The following ATP6V0A4 variants were observed in gnomAD, a reference collection of about 807,000 sequenced individuals.
ATP6V0A4 encodes the protein ATPase H+ transporting V0 subunit a4, also known as V-type proton ATPase 116 kDa subunit a 4.
In ATP6V0A4, 86 loss-of-function variants were observed where a neutral mutation model predicts 107.3. That is an observed-to-expected ratio of 0.80 (90% CI 0.67 to 0.96). The LOEUF (loss-of-function observed/expected upper bound fraction) is 0.96. Ranked by LOEUF, ATP6V0A4 falls within the 40% of genes least tolerant of loss-of-function variation. ATP6V0A4 has a pLI of 0.00. For missense variants in ATP6V0A4, 908 were observed against 1,045.6 expected, an observed-to-expected ratio of 0.87 and a Z score of 1.81; for synonymous variants, 353 against 381.4, an observed-to-expected ratio of 0.93 and a Z score of 0.87.
At chr7:138,784,257 T>TATATATATACATATATATATATAC (rs1808065932) in intron 2 of ATP6V0A4, among the ~76,000 whole-genome samples, 1 of 32,838 alleles carries the variant, frequency 3.0e-5, no homozygotes, top group Non-Finnish European at 6.4e-5. Flanking sequence ...TATATACATA[T>TATATATATACATATATATATATAC]ATATATATAC....
At chr7:138,711,212 G>A (rs1031616446) in intron 20 of ATP6V0A4, among the ~76,000 whole-genome samples, 5 of 152,106 alleles carry the variant, frequency 3.3e-5, no homozygotes, top group African/African-American at 1.2e-4. Context: ...GTTTTAAAAG[G>A]CCCTGAGGGG....
intron 19 of ATP6V0A4, among the ~76,000 whole-genome samples, chr7:138,718,072 G>GGAGGGGTACAGTCACGGATGTCTGCA (rs1370357174): frequency 1.0e-4 from 13 of 127,906 alleles, no homozygotes; most frequent in African/African-American, 3.8e-4. Context: ...GGGTGTCTGT[G>GGAGGGGTACAGTCACGGATGTCTGCA]GAGGGAGACG....
At position 138,744,623 on chromosome 7, in the gene ATP6V0A4, C is replaced by G. The variant is rs535836675; in HGVS notation, c.1478+500G>C. 6.6e-5 allele frequency among the ~76,000 whole-genome samples: 10 copies of G among 152,348 alleles called. No individual in the cohort carries two copies. The South Asian group carries it at 1.9e-3, about 28-fold the overall frequency. On this transcript the variant is annotated intron_variant, in intron 14 of 21. Transcript: ENST00000310018. ...ATTGTAGCTCATGCAGCTTTGACCT[C>G]CTTGGCCCAAGCCATCCTCCTGCCT...
intron 2 of ATP6V0A4, among the ~76,000 whole-genome samples, chr7:138,776,756 C>A (rs1217035335): frequency 1.3e-5 from 2 of 152,230 alleles, no homozygotes; most frequent in African/African-American, 4.8e-5. Flanking sequence ...GAGTCAGGAT[C>A]CCAGCTCTGC....
chr7:138,797,300 C>T (rs1808728776), intron 1 of ATP6V0A4, among the ~76,000 whole-genome samples: 1 of 150,774 alleles, frequency 6.6e-6, no homozygotes, highest in South Asian at 2.1e-4. Context: ...TTACTGCAAC[C>T]TCTGTCTTCC....
chr7:138,762,731 A>G (rs1240498785), intron 6 of ATP6V0A4, among the ~76,000 whole-genome samples, 169 bp downstream of exon 6: 1 of 152,030 alleles, frequency 6.6e-6, no homozygotes, highest in Non-Finnish European at 1.5e-5. Flanking sequence ...CTTCAATCCA[A>G]CCAGCACTAC....
intron 17 of ATP6V0A4, among the ~76,000 whole-genome samples, chr7:138,729,498 C>G (rs1300150575): frequency 6.6e-6 from 1 of 152,152 alleles, no homozygotes; most frequent in Non-Finnish European, 1.5e-5. Flanking sequence ...CTCGCCTTCC[C>G]TTTGGAGTGA....
intron 8 of ATP6V0A4, among the ~76,000 whole-genome samples, chr7:138,759,052 A>ATTTTTTGTTT (rs1806655393): frequency 1.8e-5 from 1 of 54,560 alleles, no homozygotes; most frequent in African/African-American, 8.7e-5. Context: ...TGCCCAGCCT[A>ATTTTTTGTTT]TTTTTTTTTT....
intron 16 of ATP6V0A4, among the ~76,000 whole-genome samples, chr7:138,733,619 C>T (rs1490495681): frequency 1.5e-5 from 2 of 133,078 alleles, no homozygotes; most frequent in Non-Finnish European, 3.1e-5. Context: ...TACTCTGTCA[C>T]CCAGGCTGGA....
intron 3 of ATP6V0A4, 40 bp downstream of exon 3, chr7:138,771,090 AC>A (rs1807358315): frequency 6.3e-7 from 1 of 1,575,202 alleles, no homozygotes; most frequent in South Asian, 1.1e-5. Context: ...ATCTACTCCC[AC>A]CCCTGCCTTC....
At chr7:138,760,172 C>T (rs1293954291) in intron 7 of ATP6V0A4, among the ~76,000 whole-genome samples, 1 of 151,970 alleles carries the variant, frequency 6.6e-6, no homozygotes, top group Non-Finnish European at 1.5e-5. Flanking sequence ...GGCCAGGCGC[C>T]GTGGCTCACA....
Position 138,721,990 on chromosome 7 carries a change from CTCAGTGGCA to C in ATP6V0A4, c.2037_2045del (p.Asp679_Thr681del). On this transcript the variant is annotated inframe_deletion, in exon 19 of 22. Coordinates refer to ENST00000310018, the MANE Select transcript of ATP6V0A4 (RefSeq NM_020632.3). ...GGCTGGAGCTATCACCTTCAATGTT[CTCAGTGGCA>C]TCTTCTTGGATCCTGGATGCCTGCA... 1 of 1,614,170 alleles carries C rather than the reference CTCAGTGGCA, an allele frequency of 6.2e-7. No individual in the cohort carries two copies. The highest frequency in any genetic ancestry group is 8.5e-7 in the Non-Finnish European group (1 of 1,180,044).
At chr7:138,762,464 T>C in intron 6 of ATP6V0A4, 30 bp from the exon 7 acceptor site, 2 of 1,613,304 alleles carry the variant, frequency 1.2e-6, no homozygotes, top group African/African-American at 2.7e-5. Flanking sequence ...GATTTTCATT[T>C]AAATATATTT....
At chr7:138,718,047 G>GA (rs149777134) in intron 19 of ATP6V0A4, among the ~76,000 whole-genome samples, 5,852 of 7,578 alleles carry the variant, frequency 0.77, 2,518 homozygotes, top group East Asian at 0.8. Flanking sequence ...GGAAGGAGTG[G>GA]GGGGGTACAG....
intron 11 of ATP6V0A4, among the ~76,000 whole-genome samples, chr7:138,751,324 C>T (rs1349159697): frequency 1.3e-5 from 2 of 152,174 alleles, no homozygotes; most frequent in Non-Finnish European, 2.9e-5. Context: ...CTGTGTGGCC[C>T]GCATGGCGTG....
At chr7:138,724,449 G>T (rs950532672) in intron 18 of ATP6V0A4, among the ~76,000 whole-genome samples, 1 of 152,070 alleles carries the variant, frequency 6.6e-6, no homozygotes, top group African/African-American at 2.4e-5. Context: ...GCTGCCCCTT[G>T]GCCACCCAGG....
At chr7:138,720,570 TCTGTAC>T (rs1305580707) in intron 19 of ATP6V0A4, among the ~76,000 whole-genome samples, 2 of 152,172 alleles carry the variant, frequency 1.3e-5, no homozygotes, top group African/African-American at 4.8e-5. Flanking sequence ...TGTGGATCAC[TCTGTAC>T]CTAGAATTTT....
rs751347712 is a variant in ATP6V0A4, at chr7:138,763,033, G to A, written c.292-8C>T. 1.9e-6 allele frequency: 3 copies of A among 1,613,900 alleles called. No individual in the cohort carries two copies. In the Admixed American group the frequency reaches 5.0e-5, roughly 27 times the overall value. On this transcript the variant is annotated splice_region_variant and splice_polypyrimidine_tract_variant and intron_variant, in intron 5 of 21. Transcript: ENST00000310018. Reference sequence around the variant, plus strand: ...CAGTTTTTCTAGAACAGTCTATGCAGGAAGGAAAAAGAAGGTAAGCCAACA... The same window carrying A: ...CAGTTTTTCTAGAACAGTCTATGCAAGAAGGAAAAAGAAGGTAAGCCAACA...
chr7:138,771,659 AC>A (rs1405867886), intron 2 of ATP6V0A4, among the ~76,000 whole-genome samples: 1 of 151,840 alleles, frequency 6.6e-6, no homozygotes, highest in Non-Finnish European at 1.5e-5. Flanking sequence ...TTGCTCTGTC[AC>A]CCAGGCTGGA....
Sources: gnomAD v4.1 joint callset for allele counts (sites outside exome capture counted in the v4.1 genomes callset) on GRCh38, gnomAD v4.1.1 for gene constraint, MANE v1.5 for transcripts, NCBI Gene and HGNC (gene_info 2026-07-23, HGNC 2026-07-21) for gene names.